The following PTPRG variants were observed in gnomAD, a reference collection of about 807,000 sequenced individuals.
PTPRG encodes the protein protein tyrosine phosphatase receptor type G.
A neutral mutation model predicts 165.3 loss-of-function variants in PTPRG; 102 were observed. The ratio of observed to expected loss-of-function variants is 0.62; its 90% CI spans 0.53 to 0.73. PTPRG has a LOEUF of 0.73. Ranked by LOEUF, PTPRG falls within the 30% of genes least tolerant of loss-of-function variation. PTPRG has a pLI of 0.00. For synonymous variants in PTPRG, 675 were observed against 669.5 expected, an observed-to-expected ratio of 1.01 and a Z score of -0.13; for missense variants, 1,866 against 1,861.4, an observed-to-expected ratio of 1.00 and a Z score of -0.05.
At chr3:62,101,287 A>G (rs1333235546) in intron 5 of PTPRG, among the ~76,000 whole-genome samples, 1 of 152,210 alleles carries the variant, frequency 6.6e-6, no homozygotes, top group Non-Finnish European at 1.5e-5. Context: ...ATTTAGTTTG[A>G]AAGGGTAATT....
intron 5 of PTPRG, among the ~76,000 whole-genome samples, chr3:62,089,307 A>G (rs1445063350): frequency 6.6e-6 from 1 of 152,212 alleles, no homozygotes; most frequent in East Asian, 1.9e-4. Context: ...TGTGATGGCA[A>G]ACTTGGAAGA....
chr3:61,743,101 G>A (rs560309829), intron 1 of PTPRG: 6 of 1,506,994 alleles, frequency 4.0e-6, no homozygotes, highest in Non-Finnish European at 5.5e-6. Flanking sequence ...AGAGACTGCT[G>A]CTCATGGCTT....
At chr3:62,055,551 C>G (rs1428282655) in intron 4 of PTPRG, among the ~76,000 whole-genome samples, 1 of 152,152 alleles carries the variant, frequency 6.6e-6, no homozygotes, top group East Asian at 1.9e-4. Context: ...CTAGGGTTGC[C>G]TTGACAAATT....
intron 2 of PTPRG, among the ~76,000 whole-genome samples, chr3:61,904,753 T>G (rs1191234532): frequency 6.6e-6 from 1 of 152,218 alleles, no homozygotes; most frequent in Non-Finnish European, 1.5e-5. Context: ...AGAAAGGCAT[T>G]GCATATGAGT....
intron 1 of PTPRG, among the ~76,000 whole-genome samples, chr3:61,714,086 C>T (rs2031696386): frequency 6.6e-6 from 1 of 152,108 alleles, no homozygotes; most frequent in South Asian, 2.1e-4. Flanking sequence ...TTCTGGCTTT[C>T]TAAAATATGA....
At chr3:61,670,414 G>A (rs1702938334) in intron 1 of PTPRG, among the ~76,000 whole-genome samples, 1 of 152,304 alleles carries the variant, frequency 6.6e-6, no homozygotes, top group Non-Finnish European at 1.5e-5. Context: ...ACTCTTAAGA[G>A]CACCTTGCCT....
chr3:61,935,420 A>C (rs772612795), intron 2 of PTPRG, among the ~76,000 whole-genome samples: 13 of 152,156 alleles, frequency 8.5e-5, no homozygotes, highest in Non-Finnish European at 1.8e-4. Context: ...GCACGTGCAC[A>C]CATACAGACT....
intron 2 of PTPRG, among the ~76,000 whole-genome samples, chr3:61,787,200 G>A (rs557442333): frequency 6.6e-6 from 1 of 152,242 alleles, no homozygotes; most frequent in African/African-American, 2.4e-5. Flanking sequence ...CCCAAATAAA[G>A]TGATTGATAA....
At chr3:61,825,648 T>TA (rs2036084927) in intron 2 of PTPRG, among the ~76,000 whole-genome samples, 1 of 138,448 alleles carries the variant, frequency 7.2e-6, no homozygotes, top group Non-Finnish European at 1.6e-5. Flanking sequence ...TCCGTTTTCT[T>TA]AGGTTTTTTT....
intron 1 of PTPRG, among the ~76,000 whole-genome samples, chr3:61,740,874 T>C (rs554182189): frequency 6.6e-6 from 1 of 152,322 alleles, no homozygotes; most frequent in Admixed American, 6.5e-5. Flanking sequence ...ATATAATCTA[T>C]TGTATTTGAG....
At chr3:61,991,540 C>T (rs562383905) in intron 3 of PTPRG, among the ~76,000 whole-genome samples, 148 of 152,330 alleles carry the variant, frequency 9.7e-4, no homozygotes, top group African/African-American at 2.8e-3. Context: ...TCTCTACCAC[C>T]CCAGCACAGA....
chr3:62,076,226 G>A (rs958099205), intron 4 of PTPRG, among the ~76,000 whole-genome samples: 3 of 152,076 alleles, frequency 2.0e-5, no homozygotes, highest in Admixed American at 6.6e-5. Flanking sequence ...GGTCAAGGCC[G>A]CAGTGAGCCA....
intron 2 of PTPRG, among the ~76,000 whole-genome samples, chr3:61,811,902 T>A (rs2035589972): frequency 6.6e-6 from 1 of 152,220 alleles, no homozygotes; most frequent in Non-Finnish European, 1.5e-5. Flanking sequence ...ACAAATCAGA[T>A]CTAACGGTTT....
rs139896985 is a variant in PTPRG at position 62,248,269 on chromosome 3, A to T, written c.2467+4371A>T. Among the ~76,000 whole-genome samples the T allele has an allele frequency of 4.9e-3, 741 of 152,302 alleles. 6 individuals are homozygous for T. The highest frequency in any genetic ancestry group is 0.017 in the African/African-American group (712 of 41,568). On this transcript the variant is annotated intron_variant, in intron 15 of 29. Coordinates refer to ENST00000474889, the MANE Select transcript of PTPRG (RefSeq NM_002841.4). ...CTGTTCCATGCATGACATATGGGAA[A>T]AGTAGGAGCAGGAGAGATACGTTAA...
At chr3:61,742,571 C>A in intron 1 of PTPRG, 1 of 1,593,152 alleles carries the variant, frequency 6.3e-7, no homozygotes, top group Non-Finnish European at 8.5e-7. Flanking sequence ...ATGTTATACA[C>A]AAGCTCATCG....
intron 1 of PTPRG, among the ~76,000 whole-genome samples, chr3:61,679,440 G>T (rs1703351634): frequency 6.6e-6 from 1 of 152,120 alleles, no homozygotes; most frequent in South Asian, 2.1e-4. Flanking sequence ...AATGACCCTG[G>T]TCAGTACATG....
At chr3:62,172,089 T>C (rs560740252) in intron 8 of PTPRG, among the ~76,000 whole-genome samples, 1 of 152,240 alleles carries the variant, frequency 6.6e-6, no homozygotes, top group African/African-American at 2.4e-5. Flanking sequence ...TTATATTTTG[T>C]GGCCAAGTAA....
chr3:62,090,554 G>C (rs192922897), intron 5 of PTPRG, among the ~76,000 whole-genome samples: 8 of 152,256 alleles, frequency 5.3e-5, no homozygotes, highest in Admixed American at 2.0e-4. Context: ...AATTTTGTAA[G>C]TGAAAAATGT....
rs35894531 is a variant in PTPRG, at chr3:62,010,370, T to TTGTGTGTGTGTGTGTGTG, written c.519+6883_519+6900dup. On this transcript the variant is annotated intron_variant, in intron 4 of 29. Coordinates refer to ENST00000474889, the MANE Select transcript of PTPRG (RefSeq NM_002841.4). ...TTACATGGCCTCTGTCCCTCTCTTC[T>TTGTGTGTGTGTGTGTGTG]TGTGTGTGTGTGTGTGTGTGTGTGT... 5.0e-3 allele frequency among the ~76,000 whole-genome samples: 753 copies of TTGTGTGTGTGTGTGTGTG among 149,558 alleles called. 9 individuals are homozygous for TTGTGTGTGTGTGTGTGTG. Among genetic ancestry groups the TTGTGTGTGTGTGTGTGTG allele is most frequent in the African/African-American group, 0.014 (577 of 40,494 alleles).
Sources: allele counts gnomAD v4.1 joint callset (sites outside exome capture counted in the v4.1 genomes callset), GRCh38; gene constraint gnomAD v4.1.1; transcripts MANE v1.5; gene names NCBI Gene and HGNC (gene_info 2026-07-23, HGNC 2026-07-21).